CDH23: variants seen among roughly 807,000 people sequenced by gnomAD.
CDH23 encodes the protein cadherin-23.
In CDH23, 189 loss-of-function variants were observed where a neutral mutation model predicts 317.1. The observed-to-expected ratio is 0.60, with a 90% CI of 0.53 to 0.67. The LOEUF is 0.67. Ranked by LOEUF, CDH23 falls within the 30% of genes least tolerant of loss-of-function variation. The pLI, the probability that CDH23 is intolerant of heterozygous loss-of-function variation, is 0.00. For synonymous variants in CDH23, 1,839 were observed against 1,876.8 expected, an observed-to-expected ratio of 0.98 and a Z score of 0.52; for missense variants, 4,401 against 4,592.4, an observed-to-expected ratio of 0.96 and a Z score of 1.20.
At chr10:71,626,432 A>C (rs759825499) in intron 11 of CDH23, among the ~76,000 whole-genome samples, 7 of 152,182 alleles carry the variant, frequency 4.6e-5, no homozygotes, top group Non-Finnish European at 8.8e-5. Flanking sequence ...CCGTGGCTCC[A>C]TGTCACGTGT....
At chr10:71,733,774 G>A (rs1839468128) in intron 32 of CDH23, among the ~76,000 whole-genome samples, 1 of 152,184 alleles carries the variant, frequency 6.6e-6, no homozygotes, top group South Asian at 2.1e-4. Context: ...CTTCGTCTTT[G>A]CTTTAGTGTA....
At chr10:71,617,551 A>G in intron 11 of CDH23, 158 bp downstream of exon 11, 4 of 1,474,846 alleles carry the variant, frequency 2.7e-6, no homozygotes, top group Admixed American at 2.2e-5. Context: ...AAAAAAAATC[A>G]CTAGTCTCTA....
At chr10:71,768,165 CTGT>C (rs754193241) in intron 38 of CDH23, among the ~76,000 whole-genome samples, 17 of 151,612 alleles carry the variant, frequency 1.1e-4, no homozygotes, top group East Asian at 3.9e-4. Flanking sequence ...GGCTTTGTTG[CTGT>C]TGTTGTTGTT....
rs758293939 is a variant in CDH23 at position 71,705,041 on chromosome 10, G to A, written c.2864G>A (p.Arg955His). ...GTGGTCACCACCACCGAGCTGGACC[G>A]CGAGCGCATCGCGGAGTACCAGCTG... is the stretch of plus-strand genomic sequence containing the variant. ...GVVVTTTELDRERIAEYQLRV... is the reference protein window; with the variant it reads ...GVVVTTTELDHERIAEYQLRV... Residue 955 changes from arginine (R) to histidine (H), a missense_variant, in exon 25 of 70, where the codon CGC becomes CAC. Coordinates refer to ENST00000224721, the MANE Select transcript of CDH23 (RefSeq NM_022124.6). 88 of 1,612,546 alleles carry A rather than the reference G, an allele frequency of 5.5e-5. No individual in the cohort carries two copies. Among genetic ancestry groups the A allele is most frequent in the South Asian group, 7.7e-5 (7 of 91,082 alleles).
At chr10:71,788,752 G>A (rs1841166183) in intron 44 of CDH23, among the ~76,000 whole-genome samples, 188 bp from the exon 45 acceptor site, 1 of 152,196 alleles carries the variant, frequency 6.6e-6, no homozygotes, top group African/African-American at 2.4e-5. Context: ...ACTGCACCCG[G>A]CCACATTTTT....
intron 9 of CDH23, among the ~76,000 whole-genome samples, chr10:71,588,971 C>A (rs1214550288): frequency 1.3e-5 from 2 of 152,200 alleles, no homozygotes; most frequent in Non-Finnish European, 2.9e-5. Flanking sequence ...GCTCCACTGC[C>A]TGAGCCCTGT....
At chr10:71,580,364 C>T (rs61461749) in intron 9 of CDH23, among the ~76,000 whole-genome samples, 12,543 of 152,212 alleles carry the variant, frequency 0.082, 623 homozygotes, top group African/African-American at 0.11. Context: ...TTTGAAACCA[C>T]AGGGAAGGGA....
chr10:71,583,581 T>A (rs1858807791), intron 9 of CDH23, among the ~76,000 whole-genome samples: 1 of 152,094 alleles, frequency 6.6e-6, no homozygotes, highest in Non-Finnish European at 1.5e-5. Context: ...GAGGAGGTGC[T>A]GATAGGACAA....
chr10:71,784,423 G>A lies in CDH23; in HGVS notation c.5502+3G>A. On this transcript the variant is annotated splice_donor_region_variant and intron_variant, in intron 42 of 69. Transcript: ENST00000224721. Reference sequence around the variant, plus strand: ...GGATGCCCCCACTCAGCTCCACAGTGAGTCTGGGGGCCCCACCCGCTGGCT... The same window carrying A: ...GGATGCCCCCACTCAGCTCCACAGTAAGTCTGGGGGCCCCACCCGCTGGCT... 1.2e-6 allele frequency: 2 copies of A among 1,611,734 alleles called. No individual in the cohort carries two copies. The highest frequency in any genetic ancestry group is 1.7e-6 in the Non-Finnish European group (2 of 1,178,672).
At chr10:71,541,520 A>C (rs752231098) in intron 6 of CDH23, among the ~76,000 whole-genome samples, 5 of 152,230 alleles carry the variant, frequency 3.3e-5, no homozygotes, top group Non-Finnish European at 7.3e-5. Context: ...GACATTGAGG[A>C]GCACTGTGGA....
chr10:71,574,457 G>A (rs1858036731), intron 8 of CDH23, among the ~76,000 whole-genome samples: 1 of 151,836 alleles, frequency 6.6e-6, no homozygotes, highest in Non-Finnish European at 1.5e-5. Context: ...TAAGGACTGA[G>A]AAATAGGATT....
At chr10:71,808,493 A>C (rs1399046193) in intron 60 of CDH23, among the ~76,000 whole-genome samples, 1 of 152,152 alleles carries the variant, frequency 6.6e-6, no homozygotes. Context: ...TATGTCAGGC[A>C]TTGTGTTAGG....
chr10:71,712,906 C>A (rs1300831560), intron 28 of CDH23, 93 bp downstream of exon 28: 9 of 1,466,368 alleles, frequency 6.1e-6, no homozygotes, highest in Non-Finnish European at 8.4e-6. Flanking sequence ...GCACCAGAGG[C>A]GGAAGCAGGT....
At chr10:71,786,457 C>T (rs1271320692) in intron 44 of CDH23, among the ~76,000 whole-genome samples, 1 of 151,742 alleles carries the variant, frequency 6.6e-6, no homozygotes, top group Non-Finnish European at 1.5e-5. Context: ...GCTACATGCC[C>T]CTCCCATGTG....
Position 71,766,188 on chromosome 10 carries a change from G to T in CDH23, c.4846-11492G>T, listed in dbSNP as rs891650628. ...CTTATTGTCAGGAGCAGATCCTTTT[G>T]GACACCTGGGTCATTGTCGGAGACC... On this transcript the variant is annotated intron_variant, in intron 38 of 69. Transcript: ENST00000224721. 3.5e-4 allele frequency among the ~76,000 whole-genome samples: 54 copies of T among 152,342 alleles called. No homozygotes were observed. The Middle Eastern group carries it at 0.017, about 48-fold the overall frequency.
intron 11 of CDH23, among the ~76,000 whole-genome samples, chr10:71,622,236 G>A (rs1357503309): frequency 1.3e-5 from 2 of 152,032 alleles, no homozygotes; most frequent in African/African-American, 4.8e-5. Flanking sequence ...AACCCCCTGT[G>A]CCGCCCTTGC....
Position 71,803,226 on chromosome 10 carries a change from A to G in CDH23, c.7678A>G (p.Met2560Val), listed in dbSNP as rs1377042266. The G allele has an allele frequency of 2.5e-6, 4 of 1,605,084 alleles. No homozygotes were observed. The highest frequency in any genetic ancestry group is 3.4e-6 in the Non-Finnish European group (4 of 1,175,332). The part of the protein sequence containing the change: ...GPGVEAFHVD[M>V]DSGLVTTQRP... ...ACTGCCAGAGGCCTTCCATGTGGACATGGACTCGGGCTTGGTGACCACACA... is the reference window on the plus strand; with the variant it reads ...ACTGCCAGAGGCCTTCCATGTGGACGTGGACTCGGGCTTGGTGACCACACA... Residue 2560 changes from methionine (M) to valine (V), a missense_variant, in exon 55 of 70, where the codon ATG becomes GTG. Met to Val is a conservative substitution (Grantham distance 21, BLOSUM62 1). This residue lies in a region of CDH23 where 1,144 missense variants were observed against 1,138.2 expected (regional missense o/e 1.01). Transcript: ENST00000224721.
At chr10:71,796,994 G>A (rs552434718) in intron 48 of CDH23, 110 bp from the exon 49 acceptor site, 73 of 697,044 alleles carry the variant, frequency 1.0e-4, no homozygotes, top group Middle Eastern at 7.6e-4. Flanking sequence ...ATTCTACTGG[G>A]GACCGTCATC....
At chr10:71,737,874 G>T (rs756315914) in intron 34 of CDH23, 30 of 450,338 alleles carry the variant, frequency 6.7e-5, no homozygotes, top group Middle Eastern at 3.3e-4. Context: ...TGCATGCCCG[G>T]TTTTTATTTG....
Sources: allele counts gnomAD v4.1 joint callset (sites outside exome capture counted in the v4.1 genomes callset), GRCh38; gene constraint gnomAD v4.1.1; regional missense constraint gnomAD v4.1.1; transcripts MANE v1.5; gene names NCBI Gene and HGNC (gene_info 2026-07-23, HGNC 2026-07-21).